The following PDE11A variants were observed in gnomAD, a reference collection of about 807,000 sequenced individuals.
PDE11A encodes the protein phosphodiesterase 11A.
A neutral mutation model predicts 100.5 loss-of-function variants in PDE11A; 100 were observed. That is an observed-to-expected ratio of 1.00 (90% CI 0.85 to 1.18). The LOEUF is 1.18. PDE11A is among the 50% of genes most tolerant of loss of function. PDE11A has a pLI of 0.00. For missense variants in PDE11A, 1,141 were observed against 1,152.6 expected, an observed-to-expected ratio of 0.99 and a Z score of 0.15; for synonymous variants, 381 against 420.8, an observed-to-expected ratio of 0.91 and a Z score of 1.16.
chr2:177,828,741 T>C (rs1169178201), intron 6 of PDE11A, among the ~76,000 whole-genome samples: 1 of 152,104 alleles, frequency 6.6e-6, no homozygotes, highest in Non-Finnish European at 1.5e-5. Flanking sequence ...GTGGCTTGCA[T>C]AGTATGAGTA....
intron 2 of PDE11A, among the ~76,000 whole-genome samples, chr2:177,941,363 AC>A (rs1372201297): frequency 6.6e-6 from 1 of 150,934 alleles, no homozygotes; most frequent in African/African-American, 2.4e-5. Context: ...CCAAACCCTA[AC>A]CCCCTCCACC....
chr2:177,740,986 G>A (rs1240305214), intron 10 of PDE11A, among the ~76,000 whole-genome samples: 1 of 152,168 alleles, frequency 6.6e-6, no homozygotes, highest in East Asian at 1.9e-4. Context: ...GAGCATCAGT[G>A]TCCTATTCTG....
At chr2:178,083,421 A>G (rs1482208949) in intron 2 of PDE11A, among the ~76,000 whole-genome samples, 2 of 152,222 alleles carry the variant, frequency 1.3e-5, no homozygotes, top group Admixed American at 6.5e-5. Flanking sequence ...TATTTGAAGG[A>G]GCACAAAAGT....
intron 5 of PDE11A, among the ~76,000 whole-genome samples, chr2:177,857,814 G>A (rs966962255): frequency 6.6e-6 from 1 of 151,938 alleles, no homozygotes; most frequent in Non-Finnish European, 1.5e-5. Flanking sequence ...TCAAAGACAT[G>A]ACTGGGTTAA....
chr2:178,014,484 T>G, intron 1 of PDE11A, 24 bp from the exon 2 acceptor site: 1 of 1,597,400 alleles, frequency 6.3e-7, no homozygotes, highest in Admixed American at 1.7e-5. Flanking sequence ...AAAGAAAGCA[T>G]TAACTGCATG....
intron 2 of PDE11A, among the ~76,000 whole-genome samples, chr2:177,977,642 G>T (rs2085826700): frequency 9.8e-6 from 1 of 102,478 alleles, no homozygotes. Flanking sequence ...TCAATCCTAA[G>T]CCAAAAGAAC....
At position 177,627,781 on chromosome 2, in the gene PDE11A, G is replaced by A. The variant is rs1219405826; in HGVS notation, c.*1626C>T. The A allele has an allele frequency of 6.6e-6, 1 of 152,234 alleles. No individual in the cohort carries two copies. Among genetic ancestry groups the A allele is most frequent in the East Asian group, 1.9e-4 (1 of 5,190 alleles). The allele number at this position is 152,234 out of a possible 1,614,324, so 9.4% of individuals were successfully genotyped here. ...GAATTGCTTGAACCCAGGAAGCAGA[G>A]GTTGCAGTAAGCCGAGATCACGCCA... On this transcript the variant is annotated 3_prime_UTR_variant, in exon 20 of 20. Transcript: ENST00000286063.
At chr2:177,826,887 A>C (rs2083233924) in intron 6 of PDE11A, among the ~76,000 whole-genome samples, 2 of 152,248 alleles carry the variant, frequency 1.3e-5, no homozygotes, top group Non-Finnish European at 2.9e-5. Flanking sequence ...AGAAACTGAG[A>C]GAAGATTGAC....
intron 2 of PDE11A, among the ~76,000 whole-genome samples, chr2:177,942,408 T>TTTA (rs1553492178): frequency 2.5e-5 from 2 of 81,108 alleles, no homozygotes; most frequent in East Asian, 5.8e-4. Flanking sequence ...TTAAAATTAT[T>TTTA]TTTTTTTTTT....
At chr2:178,018,396 C>G in intron 1 of PDE11A, 1 of 505,294 alleles carries the variant, frequency 2.0e-6, no homozygotes, top group East Asian at 5.5e-5. Flanking sequence ...TAACCTTTGC[C>G]GGGCTTTGTG....
rs116994614 is a variant in PDE11A, at chr2:177,818,528, T to C, written c.1577-603A>G. 3.5e-4 allele frequency among the ~76,000 whole-genome samples: 53 copies of C among 152,152 alleles called. 1 individual carries two copies. The East Asian group carries it at 7.1e-3, about 21-fold the overall frequency. On this transcript the variant is annotated intron_variant, in intron 7 of 19. Transcript: ENST00000286063. ...AAATGTTAACTACCTAAGAAGGTTA[T>C]GAAGATTAAATGAGATAATGTTAGA...
intron 2 of PDE11A, chr2:178,011,792 T>A (rs1387073142): frequency 1.3e-5 from 2 of 152,146 alleles, no homozygotes; most frequent in Non-Finnish European, 2.9e-5. Flanking sequence ...TGTGAGTAAG[T>A]GTTACTATCA....
Position 177,630,433 on chromosome 2 carries a change from G to A in PDE11A, c.2647-871C>T, listed in dbSNP as rs543039071. On this transcript the variant is annotated intron_variant, in intron 19 of 19. Transcript: ENST00000286063. ...TGGCTTACTTTAATTTAATGCAAATGAGTCCATCTTCAGCTTTCATATCAG... is the reference window on the plus strand; with the variant it reads ...TGGCTTACTTTAATTTAATGCAAATAAGTCCATCTTCAGCTTTCATATCAG... Among the ~76,000 whole-genome samples, 120 of 152,304 alleles carry A rather than the reference G, an allele frequency of 7.9e-4. 2 individuals carry two copies. Among genetic ancestry groups the A allele is most frequent in the African/African-American group, 2.8e-3 (116 of 41,576 alleles).
Position 177,945,826 on chromosome 2 carries a change from TG to T in PDE11A, c.1072-40640del, listed in dbSNP as rs1304606327. Among the ~76,000 whole-genome samples the T allele has an allele frequency of 2.0e-4, 15 of 75,038 alleles. No homozygotes were observed. The East Asian group carries it at 4.9e-3, about 24-fold the overall frequency. 49.2% of individuals were successfully genotyped at this position (75,038 alleles called of 152,430 possible). On this transcript the variant is annotated intron_variant, in intron 2 of 19. Coordinates refer to ENST00000286063, the MANE Select transcript of PDE11A (RefSeq NM_016953.4). The stretch of plus-strand genomic sequence containing the variant: ...CCAGCCGTGCCATCCGGGAGGGAGG[TG>T]GGGGGGTCAGCCCCCCGCCTGGCCA...
intron 2 of PDE11A, among the ~76,000 whole-genome samples, chr2:177,933,068 C>CCACACACACACACA (rs58818826): frequency 1.8e-4 from 27 of 147,002 alleles, no homozygotes; most frequent in Non-Finnish European, 3.6e-4. Context: ...TTTACAATAG[C>CCACACACACACACA]CACACACACA....
intron 2 of PDE11A, among the ~76,000 whole-genome samples, chr2:177,960,214 C>T (rs567658349): frequency 2.0e-5 from 3 of 151,792 alleles, no homozygotes; most frequent in South Asian, 2.1e-4. Flanking sequence ...TAAATTAAAG[C>T]GGACTTTAAT....
In PDE11A at chr2:177,629,445, G is replaced by GCGA. The variant is rs1553528532; in HGVS notation, c.2763_2764insTCG (p.Ser921dup). The GCGA allele has an allele frequency of 4.3e-6, 7 of 1,613,086 alleles. No homozygotes were observed. The African/African-American group carries it at 9.4e-5, about 22-fold the overall frequency. ...TCCTTGGCTACCATAACACTGGCAG[G>GCGA]GGAGGATGAGGCAGTTGAGGCCAGC... On this transcript the variant is annotated inframe_insertion, in exon 20 of 20. Coordinates refer to ENST00000286063, the MANE Select transcript of PDE11A (RefSeq NM_016953.4).
chr2:177,801,909 A>C (rs2082800491), intron 9 of PDE11A, among the ~76,000 whole-genome samples: 1 of 152,244 alleles, frequency 6.6e-6, no homozygotes, highest in Non-Finnish European at 1.5e-5. Context: ...AAAAGACACC[A>C]TGAAAAAATG....
intron 2 of PDE11A, among the ~76,000 whole-genome samples, chr2:177,986,395 T>A (rs1046357156): frequency 2.0e-5 from 3 of 152,204 alleles, no homozygotes; most frequent in Non-Finnish European, 4.4e-5. Context: ...CTCTACCCAC[T>A]ATGAACATGT....
Sources: allele counts gnomAD v4.1 joint callset (sites outside exome capture counted in the v4.1 genomes callset), GRCh38; gene constraint gnomAD v4.1.1; transcripts MANE v1.5; gene names NCBI Gene and HGNC (gene_info 2026-07-23, HGNC 2026-07-21).